The following CCDC60 variants were observed in gnomAD, a reference collection of about 807,000 sequenced individuals.
CCDC60 encodes coiled-coil domain-containing protein 60.
Under a neutral mutation model 63.5 loss-of-function variants are expected in CCDC60, and 54 were observed. That is an observed-to-expected ratio of 0.85 (90% CI 0.68 to 1.07). The LOEUF is 1.07. Ranked by LOEUF, CCDC60 falls within the 50% of genes least tolerant of loss-of-function variation. CCDC60 has a pLI of 0.00. For synonymous variants in CCDC60, 206 were observed against 238.8 expected (o/e 0.86, Z 1.27); for missense variants, 651 against 684.3 (o/e 0.95, Z 0.54).
chr12:119,505,460 C>T (rs1423705510), intron 7 of CCDC60, among the ~76,000 whole-genome samples, 157 bp downstream of exon 7: 3 of 152,256 alleles, frequency 2.0e-5, no homozygotes, highest in Admixed American at 2.0e-4. Context: ...TTGTTTTCCC[C>T]AGTGGAGATC....
rs1955890796 is a variant in CCDC60 at position 119,370,895 on chromosome 12, A to G, written c.90+35629A>G. ...ATTTTCAAAAAACTTAGCCAGGTAT[A>G]GTGGCACACCCCTGTAGTCCCAGGC... is the stretch of plus-strand genomic sequence containing the variant. On this transcript the variant is annotated intron_variant, in intron 1 of 13. Transcript: ENST00000327554. 2.0e-5 allele frequency among the ~76,000 whole-genome samples: 3 copies of G among 152,090 alleles called. No individual in the cohort carries two copies. The South Asian group carries it at 6.2e-4, about 32-fold the overall frequency.
intron 2 of CCDC60, among the ~76,000 whole-genome samples, chr12:119,469,190 A>G (rs1399043810): frequency 6.6e-6 from 1 of 152,114 alleles, no homozygotes; most frequent in Non-Finnish European, 1.5e-5. Flanking sequence ...GTTGTCTCCA[A>G]GATTTCTTCC....
rs576724825 is a variant in CCDC60 at position 119,506,915 on chromosome 12, G to C, written c.883+1612G>C. On this transcript the variant is annotated intron_variant, in intron 7 of 13. Coordinates refer to ENST00000327554, the MANE Select transcript of CCDC60 (RefSeq NM_178499.5). ...TTCATACAGAAAGATGGAGAAGGTAGAAAGAAGAGAGGGTAAGACAGGGAC... is the reference window on the plus strand; with the variant it reads ...TTCATACAGAAAGATGGAGAAGGTACAAAGAAGAGAGGGTAAGACAGGGAC... Among the ~76,000 whole-genome samples, 66 of 152,288 alleles carry C rather than the reference G, an allele frequency of 4.3e-4. No homozygotes were observed. In the South Asian group the frequency reaches 0.013, roughly 31 times the overall value.
chr12:119,522,954 T>TACAAGTGC lies in CCDC60; in HGVS notation c.1058_1065dup (p.Glu356GlnfsTer34). 9.9e-6 allele frequency: 16 copies of TACAAGTGC among 1,614,132 alleles called. No homozygotes were observed. The highest frequency in any genetic ancestry group is 1.4e-5 in the Non-Finnish European group (16 of 1,180,014). On this transcript the variant is annotated frameshift_variant, in exon 10 of 14. Transcript: ENST00000327554. LOFTEE classifies it high-confidence loss of function. ...TGTGTTTCAGTGAGAGATCCAGCAG[T>TACAAGTGC]ACAAGTGCAGAAAGCCACATCCAAC...
chr12:119,485,851 G>T (rs1314773012), intron 4 of CCDC60, among the ~76,000 whole-genome samples: 1 of 152,142 alleles, frequency 6.6e-6, no homozygotes, highest in Non-Finnish European at 1.5e-5. Context: ...GAGGGAGAGG[G>T]TCAGGTTTGC....
rs575976861 is a variant in CCDC60 at position 119,504,869 on chromosome 12, C to A, written c.649-200C>A. ...TAAATAATACACATTTTAACATTAT[C>A]TCGATTTGTGACAAAAGGTCACTCC... On this transcript the variant is annotated intron_variant, in intron 6 of 13. Coordinates refer to ENST00000327554, the MANE Select transcript of CCDC60 (RefSeq NM_178499.5). Among the ~76,000 whole-genome samples the A allele has an allele frequency of 4.6e-5, 7 of 152,262 alleles. No homozygotes were observed. In the East Asian group the frequency reaches 5.8e-4, roughly 13 times the overall value.
rs543302068 is a variant in CCDC60 at position 119,399,634 on chromosome 12, A to G, written c.91-29049A>G. On this transcript the variant is annotated intron_variant, in intron 1 of 13. Transcript: ENST00000327554. ...TGCAGAGCCAAAGATCAAAGCCTCA[A>G]GAGGGGCTACGTTCTCCCTAACAGT... is the stretch of plus-strand genomic sequence containing the variant. 6.6e-5 allele frequency among the ~76,000 whole-genome samples: 10 copies of G among 152,310 alleles called. No homozygotes were observed. The East Asian group carries it at 1.9e-3, about 29-fold the overall frequency.
chr12:119,428,116 G>T (rs79624656), intron 1 of CCDC60, among the ~76,000 whole-genome samples: 36 of 152,170 alleles, frequency 2.4e-4, no homozygotes, highest in African/African-American at 8.7e-4. Flanking sequence ...AAAAACCCAC[G>T]AACAATTATC....
At chr12:119,347,826 G>T (rs1294996991) in intron 1 of CCDC60, among the ~76,000 whole-genome samples, 1 of 152,164 alleles carries the variant, frequency 6.6e-6, no homozygotes, top group Non-Finnish European at 1.5e-5. Context: ...TTGTTGAGAG[G>T]ATCAGGGACA....
At chr12:119,476,653 C>T (rs1449930611) in intron 3 of CCDC60, among the ~76,000 whole-genome samples, 3 of 152,210 alleles carry the variant, frequency 2.0e-5, no homozygotes, top group African/African-American at 7.2e-5. Flanking sequence ...CAGCCTAACA[C>T]CCTCCATGGT....
At chr12:119,373,205 T>A (rs370058756) in intron 1 of CCDC60, among the ~76,000 whole-genome samples, 3 of 152,154 alleles carry the variant, frequency 2.0e-5, no homozygotes, top group Non-Finnish European at 4.4e-5. Flanking sequence ...TGATGCTAAA[T>A]GGGGAGCTCA....
At chr12:119,337,652 G>A (rs185867560) in intron 1 of CCDC60, among the ~76,000 whole-genome samples, 100 of 152,226 alleles carry the variant, frequency 6.6e-4, no homozygotes, top group African/African-American at 2.3e-3. Context: ...AATGAGACTC[G>A]CCTTCAAGAA....
At chr12:119,351,197 G>A (rs192937299) in intron 1 of CCDC60, among the ~76,000 whole-genome samples, 24 of 152,278 alleles carry the variant, frequency 1.6e-4, no homozygotes, top group African/African-American at 3.4e-4. Context: ...AAATTGCTTC[G>A]TAAGTGCCTC....
chr12:119,520,956 G>A (rs1000073450), intron 9 of CCDC60, among the ~76,000 whole-genome samples: 2 of 152,148 alleles, frequency 1.3e-5, no homozygotes, highest in Non-Finnish European at 2.9e-5. Context: ...CTGTGTCTGG[G>A]CTGGGGTTAT....
chr12:119,501,115 T>C (rs1452356131), intron 6 of CCDC60, among the ~76,000 whole-genome samples: 1 of 152,216 alleles, frequency 6.6e-6, no homozygotes, highest in African/African-American at 2.4e-5. Context: ...CCCTAACCTA[T>C]GAAATGGATA....
At chr12:119,474,055 A>G (rs551466926) in intron 3 of CCDC60, among the ~76,000 whole-genome samples, 331 of 152,340 alleles carry the variant, frequency 2.2e-3, no homozygotes, top group Admixed American at 3.2e-3. Flanking sequence ...ACTGTTTTCC[A>G]CAGTGGTTGT....
chr12:119,479,098 TATG>T lies in CCDC60; in HGVS notation c.354_356del (p.Asp118del), dbSNP rs1951243004. The T allele has an allele frequency of 1.2e-6, 2 of 1,610,062 alleles. No homozygotes were observed. Among genetic ancestry groups the T allele is most frequent in the East Asian group, 2.2e-5 (1 of 44,876 alleles). On this transcript the variant is annotated inframe_deletion, in exon 4 of 14. Transcript: ENST00000327554. ...CTCTGTCTGCTTGTCCTTCAGCACA[TATG>T]ATGATGAGAAGTTGAAGACACTGGG... is the stretch of plus-strand genomic sequence containing the variant.
rs556513225 is a variant in CCDC60, at chr12:119,464,631, G to A, written c.171-7363G>A. On this transcript the variant is annotated intron_variant, in intron 2 of 13. Transcript: ENST00000327554. ...GGTCAGACACACCTCATTGTACTCC[G>A]TCCCTTTTGGAAATTAGCCACAAGA... 9.9e-5 allele frequency among the ~76,000 whole-genome samples: 15 copies of A among 152,184 alleles called. No homozygotes were observed. In the South Asian group the frequency reaches 1.0e-3, roughly 11 times the overall value.
At chr12:119,412,121 T>C (rs376343441) in intron 1 of CCDC60, among the ~76,000 whole-genome samples, 19 of 152,298 alleles carry the variant, frequency 1.2e-4, no homozygotes, top group African/African-American at 3.6e-4. Context: ...GGGGACAGCA[T>C]TGTAGAATTC....
Sources: allele counts gnomAD v4.1 joint callset (sites outside exome capture counted in the v4.1 genomes callset), GRCh38; gene constraint gnomAD v4.1.1; transcripts MANE v1.5; gene names NCBI Gene and HGNC (gene_info 2026-07-23, HGNC 2026-07-21).